ANKUB1: variants seen among roughly 807,000 people sequenced by gnomAD.
The protein encoded by ANKUB1 is ankyrin repeat and ubiquitin domain containing 1.
In ANKUB1, 42 loss-of-function variants were observed where a neutral mutation model predicts 49.3. The ratio of observed to expected loss-of-function variants is 0.85; its 90% CI spans 0.67 to 1.10. The LOEUF (loss-of-function observed/expected upper bound fraction) is 1.10, where lower values mean the gene tolerates loss of function less well. ANKUB1 is among the 50% of genes least tolerant of loss of function. The pLI is 0.00. For missense variants in ANKUB1, 613 were observed against 642.0 expected (o/e 0.95, Z 0.49); for synonymous variants, 222 against 231.0 (o/e 0.96, Z 0.35).
At chr3:149,765,232 T>C (rs1716961481) in intron 5 of ANKUB1, among the ~76,000 whole-genome samples, 1 of 152,208 alleles carries the variant, frequency 6.6e-6, no homozygotes, top group Non-Finnish European at 1.5e-5. Context: ...ATATGCCATA[T>C]GTGCCCTTTA....
chr3:149,788,725 TG>T (rs1050813727), intron 2 of ANKUB1, among the ~76,000 whole-genome samples: 20 of 152,218 alleles, frequency 1.3e-4, no homozygotes, highest in African/African-American at 4.8e-4. Flanking sequence ...AGGTTGCATC[TG>T]GGGAGGGAAA....
chr3:149,778,373 A>G (rs1717698460), intron 3 of ANKUB1: 1 of 152,212 alleles, frequency 6.6e-6, no homozygotes, highest in African/African-American at 2.4e-5. Flanking sequence ...ATGCTGAGCA[A>G]GTCATTTAAT....
rs77251317 is a variant in ANKUB1 at position 149,774,532 on chromosome 3, C to G, written c.452-3858G>C. On this transcript the variant is annotated intron_variant, in intron 3 of 5. Transcript: ENST00000446160. ...ATTGCCTATCCTCAGAGTCTCAGCT[C>G]TCTCTAGCCCTCCTGCCTACTGCTG... Among the ~76,000 whole-genome samples, 1,275 of 152,352 alleles carry G rather than the reference C, an allele frequency of 8.4e-3. 17 individuals carry two copies. Among genetic ancestry groups the G allele is most frequent in the African/African-American group, 0.029 (1,225 of 41,582 alleles).
At chr3:149,783,653 T>C (rs1576680861) in intron 2 of ANKUB1, 1 of 152,376 alleles carries the variant, frequency 6.6e-6, no homozygotes, top group Middle Eastern at 3.4e-3. Flanking sequence ...TGCTTTTTTA[T>C]ATTTTGCTGT....
At chr3:149,775,221 G>A (rs6440640) in intron 3 of ANKUB1, among the ~76,000 whole-genome samples, 77,136 of 152,004 alleles carry the variant, frequency 0.51, 21,630 homozygotes, top group African/African-American at 0.77. Flanking sequence ...TTCATACCCC[G>A]GGAGTCAACA....
intron 5 of ANKUB1, 150 bp downstream of exon 5, chr3:149,767,007 G>A: frequency 1.0e-6 from 1 of 995,120 alleles, no homozygotes; most frequent in Non-Finnish European, 1.5e-6. Flanking sequence ...TAGTGATGAG[G>A]CTAAGATGAG....
At chr3:149,763,913 T>TTCCTGAATG in intron 5 of ANKUB1, 1 of 456,072 alleles carries the variant, frequency 2.2e-6, no homozygotes, top group Non-Finnish European at 4.4e-6. Flanking sequence ...AAGGTAGGAG[T>TTCCTGAATG]TCCTGAATGA....
chr3:149,788,252 TTC>T lies in ANKUB1; in HGVS notation c.234+2527_234+2528del, dbSNP rs1255709987. On this transcript the variant is annotated intron_variant, in intron 2 of 5. Transcript: ENST00000446160. ...ACTGCATTCTTTGAGGCCTGGGATA[TTC>T]TCTAAATGTGATTCTACCTGACAGC... Among the ~76,000 whole-genome samples the T allele has an allele frequency of 3.3e-5, 5 of 152,322 alleles. No individual in the cohort carries two copies. In the East Asian group the frequency reaches 9.6e-4, roughly 29 times the overall value.
chr3:149,770,534 G>A, intron 4 of ANKUB1, 26 bp downstream of exon 4: 2 of 1,478,886 alleles, frequency 1.4e-6, no homozygotes, highest in Middle Eastern at 1.7e-4. Flanking sequence ...CACTTGCTAA[G>A]TTAATTTAAA....
rs564772256 is a variant in ANKUB1, at chr3:149,777,236, G to A, written c.451+3003C>T. On this transcript the variant is annotated intron_variant, in intron 3 of 5. Coordinates refer to ENST00000446160, the MANE Select transcript of ANKUB1 (RefSeq NM_001144960.3). The stretch of plus-strand genomic sequence containing the variant: ...CGCCTGTAATCCCAGCACTTTGGGA[G>A]GCCAAGGCGGGCAGATCAGAAGATC... Among the ~76,000 whole-genome samples the A allele has an allele frequency of 1.8e-3, 267 of 152,024 alleles. 1 individual carries two copies. Among genetic ancestry groups the A allele is most frequent in the Non-Finnish European group, 3.1e-3 (213 of 68,010 alleles).
chr3:149,775,640 T>C lies in ANKUB1; in HGVS notation c.451+4599A>G, dbSNP rs574901179. ...GCAGCCATGAATATATCCTATGAGG[T>C]GTTTATAGTGAAGAGTACCAATTGG... On this transcript the variant is annotated intron_variant, in intron 3 of 5. Transcript: ENST00000446160. Among the ~76,000 whole-genome samples the C allele has an allele frequency of 9.2e-5, 14 of 152,170 alleles. 1 individual carries two copies. The South Asian group carries it at 2.9e-3, about 32-fold the overall frequency.
intron 3 of ANKUB1, among the ~76,000 whole-genome samples, chr3:149,771,194 C>G (rs1717344758): frequency 2.0e-5 from 3 of 152,216 alleles, no homozygotes. Flanking sequence ...TTATCACTTG[C>G]TTCTCCAAAG....
chr3:149,770,681 A>G lies in ANKUB1; in HGVS notation c.452-7T>C. 1 of 1,519,570 alleles carries G rather than the reference A, an allele frequency of 6.6e-7. No individual in the cohort carries two copies. Among genetic ancestry groups the G allele is most frequent in the Non-Finnish European group, 8.9e-7 (1 of 1,122,996 alleles). 94.1% of individuals were successfully genotyped at this position (1,519,570 alleles called of 1,614,324 possible). A position where few individuals can be genotyped will look rare whatever the true frequency, so the allele number is the denominator to read the frequency against. On this transcript the variant is annotated splice_region_variant and splice_polypyrimidine_tract_variant and intron_variant, in intron 3 of 5. Transcript: ENST00000446160. ...TCCAAGCGAAGTGTTGTGCCTGTGG[A>G]TCAAGAGAGGTGGTTTATGGTTCCA...
chr3:149,780,474 A>G lies in ANKUB1; in HGVS notation c.235-19T>C, dbSNP rs762748277. On this transcript the variant is annotated intron_variant, in intron 2 of 5. Coordinates refer to ENST00000446160, the MANE Select transcript of ANKUB1 (RefSeq NM_001144960.3). ...CTTCTTCCTAAAGGGAAAGAAAAGG[A>G]GGGAACTTATTGTCTGGAGGTTCAG... is the stretch of plus-strand genomic sequence containing the variant. 1 of 1,539,384 alleles carries G rather than the reference A, an allele frequency of 6.5e-7. No individual in the cohort carries two copies.
chr3:149,772,526 CT>C (rs1717412464), intron 3 of ANKUB1, among the ~76,000 whole-genome samples: 1 of 152,196 alleles, frequency 6.6e-6, no homozygotes, highest in Non-Finnish European at 1.5e-5. Context: ...TCAATGTTGT[CT>C]TCTTTTCTGA....
chr3:149,771,849 T>TC (rs1455282177), intron 3 of ANKUB1, among the ~76,000 whole-genome samples: 26 of 151,804 alleles, frequency 1.7e-4, no homozygotes, highest in Admixed American at 1.6e-3. Flanking sequence ...AGCTCCAGAC[T>TC]CCCCCTGCTG....
At chr3:149,777,082 T>C (rs1006280100) in intron 3 of ANKUB1, among the ~76,000 whole-genome samples, 7 of 152,214 alleles carry the variant, frequency 4.6e-5, no homozygotes, top group African/African-American at 1.7e-4. Context: ...ACTGGGATTA[T>C]CAAACATGCC....
rs1717208826 is a variant in ANKUB1, at chr3:149,769,087, T to A, written c.567-992A>T. 3.9e-5 allele frequency among the ~76,000 whole-genome samples: 6 copies of A among 152,346 alleles called. No homozygotes were observed. In the South Asian group the frequency reaches 1.2e-3, roughly 32 times the overall value. ...TAGAAATTAGTATAAAATATTAGAATATTTTATAAAATTGTAAAATCTGCT... is the reference window on the plus strand; with the variant it reads ...TAGAAATTAGTATAAAATATTAGAAAATTTTATAAAATTGTAAAATCTGCT... On this transcript the variant is annotated intron_variant, in intron 4 of 5. Coordinates refer to ENST00000446160, the MANE Select transcript of ANKUB1 (RefSeq NM_001144960.3).
At chr3:149,790,560 G>A (rs1718314734) in intron 2 of ANKUB1, among the ~76,000 whole-genome samples, 1 of 152,172 alleles carries the variant, frequency 6.6e-6, no homozygotes, top group Non-Finnish European at 1.5e-5. Context: ...GGGGAGGCAA[G>A]AGGAAGAAGA....
Sources: allele counts gnomAD v4.1 joint callset (sites outside exome capture counted in the v4.1 genomes callset), GRCh38; gene constraint gnomAD v4.1.1; transcripts MANE v1.5; gene names NCBI Gene and HGNC (gene_info 2026-07-23, HGNC 2026-07-21).